Variants in PNPLA7 observed in about 807,000 individuals in gnomAD.
PNPLA7 encodes the protein patatin-like phospholipase domain-containing protein 7.
Under a neutral mutation model 161.7 loss-of-function variants are expected in PNPLA7, and 153 were observed. The observed-to-expected ratio is 0.95, with a 90% confidence interval of 0.83 to 1.08. The LOEUF is 1.08. Ranked by LOEUF, PNPLA7 falls within the 50% of genes least tolerant of loss-of-function variation. The probability of loss-of-function intolerance (pLI) is 0.00; values close to 1 mark genes in which losing one functional copy is unlikely to be tolerated. For missense variants in PNPLA7, 1,739 were observed against 1,856.6 expected (o/e 0.94, Z 1.16); for synonymous variants, 809 against 782.1 (o/e 1.03, Z -0.57).
chr9:137,498,263 G>A lies in PNPLA7; in HGVS notation c.1758-18C>T. Reference sequence around the variant, plus strand: ...GCATGATTCTGCCGGGCAGCCCAGAGTCAATCCTGCCCCATCCCTCCAACC... The same window carrying A: ...GCATGATTCTGCCGGGCAGCCCAGAATCAATCCTGCCCCATCCCTCCAACC... On this transcript the variant is annotated intron_variant, in intron 16 of 34. Coordinates refer to ENST00000406427, the MANE Select transcript of PNPLA7 (RefSeq NM_001098537.3). The A allele has an allele frequency of 5.6e-6, 9 of 1,607,926 alleles. No individual in the cohort carries two copies. Among genetic ancestry groups the A allele is most frequent in the East Asian group, 2.2e-5 (1 of 44,880 alleles).
In PNPLA7 at chr9:137,462,256, T is replaced by C. The variant is rs1831248500; in HGVS notation, c.3568A>G (p.Ser1190Gly). Residue 1190 changes from serine (S) to glycine (G), a missense_variant, in exon 31 of 35, where the codon AGT becomes GGT. By Grantham distance (56) the Ser-to-Gly change is moderately conservative. This residue lies in a region of PNPLA7 where 703 missense variants were observed against 694.6 expected (regional missense o/e 1.01). Transcript: ENST00000406427. ...GGGCGCAGGTACTCGCAGTAGTCAC[T>C]GCTCTTCACCACCTCCAGCTGCCGC... ...CVRQLEVVKS[S>G]DYCEYLRPPI... 6.2e-7 allele frequency: 1 copy of C among 1,611,676 alleles called. No individual in the cohort carries two copies. Among genetic ancestry groups the C allele is most frequent in the African/African-American group, 1.3e-5 (1 of 74,926 alleles).
At position 137,539,388 on chromosome 9, in the gene PNPLA7, A is replaced by G. The variant is rs149738860; in HGVS notation, c.747+1254T>C. ...CAAAAAACAAAAAAACTTCTAGTTA[A>G]TGGCTTGGCATGATGGCTTATGCCT... On this transcript the variant is annotated intron_variant, in intron 8 of 34. Transcript: ENST00000406427. Among the ~76,000 whole-genome samples the G allele has an allele frequency of 1.8e-4, 27 of 152,078 alleles. No homozygotes were observed. In the East Asian group the frequency reaches 4.3e-3, roughly 24 times the overall value.
chr9:137,550,059 C>T (rs1285649263), intron 1 of PNPLA7, 109 bp downstream of exon 1: 3 of 1,380,878 alleles, frequency 2.2e-6, no homozygotes, highest in African/African-American at 2.9e-5. Flanking sequence ...CGCCAAGAAG[C>T]CACGGGGCCA....
At chr9:137,494,477 C>T (rs1371381395) in intron 19 of PNPLA7, among the ~76,000 whole-genome samples, 1 of 152,208 alleles carries the variant, frequency 6.6e-6, no homozygotes, top group Non-Finnish European at 1.5e-5. Context: ...TGTAGGTAGA[C>T]CGAATGATCA....
chr9:137,471,982 C>T (rs1238769299), intron 25 of PNPLA7, among the ~76,000 whole-genome samples: 2 of 152,072 alleles, frequency 1.3e-5, no homozygotes, highest in Non-Finnish European at 2.9e-5. Flanking sequence ...TGTGAAGCTA[C>T]AGTAACTAAG....
chr9:137,474,425 G>A (rs995259311), intron 25 of PNPLA7, among the ~76,000 whole-genome samples: 14 of 152,102 alleles, frequency 9.2e-5, no homozygotes, highest in African/African-American at 2.9e-4. Context: ...ACGTTATGTC[G>A]CGTGATCAAC....
chr9:137,526,103 C>T (rs376824275), intron 8 of PNPLA7, among the ~76,000 whole-genome samples: 1 of 151,904 alleles, frequency 6.6e-6, no homozygotes, highest in African/African-American at 2.4e-5. Flanking sequence ...TCCAGTATAA[C>T]TATTCTTATT....
chr9:137,493,372 C>T (rs2132232330), intron 19 of PNPLA7, among the ~76,000 whole-genome samples: 1 of 152,346 alleles, frequency 6.6e-6, no homozygotes, highest in South Asian at 2.1e-4. Context: ...AGGCCAGCCT[C>T]TCACTCTCAC....
chr9:137,495,204 C>T (rs1262876581), intron 18 of PNPLA7, 58 bp from the exon 19 acceptor site: 2 of 1,324,288 alleles, frequency 1.5e-6, no homozygotes, highest in South Asian at 1.3e-5. Context: ...GCCAGCTGGA[C>T]CTGTCCCTGA....
In PNPLA7 at chr9:137,522,922, G is replaced by T. The variant is rs1315725638; in HGVS notation, c.748-65C>A. 31 of 1,591,824 alleles carry T rather than the reference G, an allele frequency of 1.9e-5. No individual in the cohort carries two copies. The East Asian group carries it at 2.5e-4, about 13-fold the overall frequency. ...GGCCAACCCCCCAGGGAATGCCAAG[G>T]CTCCTGGAAGCCCTGGAGGAGGCCC... On this transcript the variant is annotated intron_variant, in intron 8 of 34. Transcript: ENST00000406427.
intron 18 of PNPLA7, 38 bp downstream of exon 18, chr9:137,497,149 C>T: frequency 1.3e-6 from 2 of 1,499,880 alleles, no homozygotes; most frequent in Non-Finnish European, 1.8e-6. Context: ...GGGAGGGATG[C>T]AGAGGTGGGG....
rs769265763 is a variant in PNPLA7 at position 137,505,679 on chromosome 9, T to C, written c.1408A>G (p.Ser470Gly). 7 of 1,614,146 alleles carry C rather than the reference T, an allele frequency of 4.3e-6. No homozygotes were observed. The highest frequency in any genetic ancestry group is 5.9e-6 in the Non-Finnish European group (7 of 1,180,036). ...CTGAAGATGGCATCCGACTTCCTGC[T>C]GGCCAGGGTCTCATCCGTGTGACTC... is the stretch of plus-strand genomic sequence containing the variant. ...SESHTDETLA[S>G]RKSDAIFRAA... is the part of the protein sequence containing the mutation. Residue 470 changes from serine (S) to glycine (G), a missense_variant, in exon 14 of 35, where the codon AGC becomes GGC. Physicochemically the swap from Ser to Gly is moderately conservative, Grantham distance 56. Coordinates refer to ENST00000406427, the MANE Select transcript of PNPLA7 (RefSeq NM_001098537.3).
At chr9:137,522,178 C>T (rs539034913) in intron 9 of PNPLA7, among the ~76,000 whole-genome samples, 4 of 152,290 alleles carry the variant, frequency 2.6e-5, no homozygotes, top group East Asian at 3.9e-4. Flanking sequence ...GGGTTCATGC[C>T]GTTCTCCTGC....
intron 8 of PNPLA7, 32 bp from the exon 9 acceptor site, chr9:137,522,889 G>A: frequency 6.2e-7 from 1 of 1,608,504 alleles, no homozygotes; most frequent in Non-Finnish European, 8.5e-7. Context: ...TCCCCACTCT[G>A]TGGGCCTGGC....
chr9:137,470,591 G>C (rs1481167086), intron 25 of PNPLA7, among the ~76,000 whole-genome samples: 1 of 151,922 alleles, frequency 6.6e-6, no homozygotes, highest in Admixed American at 6.6e-5. Flanking sequence ...AAACCTTCTA[G>C]AGAATAGGAA....
At chr9:137,533,974 C>T (rs896780273) in intron 8 of PNPLA7, among the ~76,000 whole-genome samples, 1 of 148,500 alleles carries the variant, frequency 6.7e-6, no homozygotes, top group Non-Finnish European at 1.5e-5. Context: ...GAATCCTCCA[C>T]AACAGTGTAT....
intron 8 of PNPLA7, among the ~76,000 whole-genome samples, chr9:137,534,526 C>T (rs1588699067): frequency 6.6e-6 from 1 of 152,242 alleles, no homozygotes; most frequent in African/African-American, 2.4e-5. Context: ...CCCAGTGCCA[C>T]CACAGCAGAA....
intron 7 of PNPLA7, 68 bp downstream of exon 7, chr9:137,542,574 G>C: frequency 1.4e-6 from 2 of 1,406,450 alleles, no homozygotes; most frequent in Non-Finnish European, 1.9e-6. Context: ...ACGTTTTACA[G>C]CCCGAGAAGA....
At chr9:137,516,399 G>A (rs1834572700) in intron 11 of PNPLA7, 1 of 985,056 alleles carries the variant, frequency 1.0e-6, no homozygotes. Flanking sequence ...AGGCCCATGA[G>A]CACCCCCGGC....
Sources: allele counts gnomAD v4.1 joint callset (sites outside exome capture counted in the v4.1 genomes callset), GRCh38; gene constraint gnomAD v4.1.1; regional missense constraint gnomAD v4.1.1; transcripts MANE v1.5; gene names NCBI Gene and HGNC (gene_info 2026-07-23, HGNC 2026-07-21).